The following TBCE variants were observed in gnomAD, a reference collection of about 807,000 sequenced individuals.
TBCE encodes the protein tubulin folding cofactor E.
A neutral mutation model predicts 77.0 loss-of-function variants in TBCE; 53 were observed. The ratio of observed to expected loss-of-function variants is 0.69; its 90% CI spans 0.55 to 0.87. The LOEUF is 0.87. Ranked by LOEUF, TBCE falls within the 40% of genes least tolerant of loss-of-function variation. The probability of loss-of-function intolerance (pLI) is 0.00; values close to 1 mark genes in which losing one functional copy is unlikely to be tolerated. For missense variants in TBCE, 624 were observed against 622.4 expected, an observed-to-expected ratio of 1.00 and a Z score of -0.03; for synonymous variants, 235 against 241.3, an observed-to-expected ratio of 0.97 and a Z score of 0.24.
chr1:235,425,233 T>TAA (rs1272583943), intron 5 of TBCE, among the ~76,000 whole-genome samples: 1 of 152,184 alleles, frequency 6.6e-6, no homozygotes, highest in Non-Finnish European at 1.5e-5. Flanking sequence ...TCCCTCTTAA[T>TAA]AAATGACAGT....
At chr1:235,384,482 C>T (rs1317926633) in intron 2 of TBCE, among the ~76,000 whole-genome samples, 1 of 145,718 alleles carries the variant, frequency 6.9e-6, no homozygotes, top group Non-Finnish European at 1.5e-5. Context: ...TGATTATTGC[C>T]ACAATTTCAG....
intron 3 of TBCE, among the ~76,000 whole-genome samples, chr1:235,406,829 CTTTTTTTTTTTT>C (rs141351182): frequency 2.6e-5 from 2 of 76,168 alleles, no homozygotes; most frequent in Admixed American, 3.4e-4. Flanking sequence ...TGCTCCTGGG[CTTTTTTTTTTTT>C]TTTTTTTTTT....
At chr1:235,431,642 T>G (rs1280512110) in intron 7 of TBCE, among the ~76,000 whole-genome samples, 1 of 151,934 alleles carries the variant, frequency 6.6e-6, no homozygotes, top group Non-Finnish European at 1.5e-5. Flanking sequence ...ATTAGAGGTG[T>G]AAGCCACCGT....
intron 5 of TBCE, among the ~76,000 whole-genome samples, chr1:235,422,936 C>T (rs1259450705): frequency 6.6e-6 from 1 of 152,212 alleles, no homozygotes; most frequent in East Asian, 1.9e-4. Context: ...TTTGTTTATA[C>T]TGCACTTTTC....
At position 235,374,927 on chromosome 1, in the gene TBCE, T is replaced by C. The variant is rs1206412008; in HGVS notation, c.-31-5092T>C. Among the ~76,000 whole-genome samples, 5 of 131,902 alleles carry C rather than the reference T, an allele frequency of 3.8e-5. No individual in the cohort carries two copies. In the South Asian group the frequency reaches 9.6e-4, roughly 25 times the overall value. 86.5% of individuals were successfully genotyped at this position (131,902 alleles called of 152,430 possible). On this transcript the variant is annotated intron_variant, in intron 1 of 16. Coordinates refer to ENST00000642610, the MANE Select transcript of TBCE (RefSeq NM_003193.5). Reference sequence around the variant, plus strand: ...GTAGATTTCTTTTTTTTTCTTTTTTTTTTTTTTTTTTGAGATGGAGTCTCA... The same window carrying C: ...GTAGATTTCTTTTTTTTTCTTTTTTCTTTTTTTTTTTGAGATGGAGTCTCA...
chr1:235,390,795 G>A (rs913248813), intron 2 of TBCE, among the ~76,000 whole-genome samples: 1 of 150,970 alleles, frequency 6.6e-6, no homozygotes, highest in Non-Finnish European at 1.5e-5. Context: ...GCTAGAGGCA[G>A]AAGAGGCAGT....
rs374602657 is a variant in TBCE, at chr1:235,439,569, C to T, written c.1270+647C>T. On this transcript the variant is annotated intron_variant, in intron 13 of 16. Coordinates refer to ENST00000642610, the MANE Select transcript of TBCE (RefSeq NM_003193.5). ...CTGGAGTGATCTCAGCTCACTGTAA[C>T]CCCTGCCTCCCGGGTTCAATTTATT... is the stretch of plus-strand genomic sequence containing the variant. 1.2e-4 allele frequency among the ~76,000 whole-genome samples: 18 copies of T among 150,836 alleles called. 1 individual carries two copies. In the South Asian group the frequency reaches 2.9e-3, roughly 25 times the overall value.
At chr1:235,387,909 A>G (rs1278746378) in intron 2 of TBCE, among the ~76,000 whole-genome samples, 1 of 152,220 alleles carries the variant, frequency 6.6e-6, no homozygotes, top group Non-Finnish European at 1.5e-5. Context: ...CCATAGACAG[A>G]GCAGCCCCTC....
intron 3 of TBCE, among the ~76,000 whole-genome samples, chr1:235,412,538 C>T (rs1447575729): frequency 6.6e-6 from 1 of 151,460 alleles, no homozygotes; most frequent in Non-Finnish European, 1.5e-5. Context: ...TCTCAAACTC[C>T]TGACTTTAGG....
chr1:235,430,180 T>C (rs1681005911), intron 6 of TBCE: 1 of 155,468 alleles, frequency 6.4e-6, no homozygotes. Flanking sequence ...TGTTTTTTAA[T>C]AGTATCGTCT....
chr1:235,377,369 C>T (rs1021230503), intron 1 of TBCE, among the ~76,000 whole-genome samples: 1 of 152,098 alleles, frequency 6.6e-6, no homozygotes, highest in African/African-American at 2.4e-5. Flanking sequence ...TTAGTAGAGA[C>T]AGGGTTTTAC....
intron 2 of TBCE, among the ~76,000 whole-genome samples, chr1:235,390,820 A>AGAATGTTT (rs1678342760): frequency 6.6e-6 from 1 of 151,460 alleles, no homozygotes; most frequent in African/African-American, 2.4e-5. Flanking sequence ...GTGTGACGTG[A>AGAATGTTT]GAATGTTTCA....
intron 4 of TBCE, 198 bp from the exon 5 acceptor site, chr1:235,419,275 C>A: frequency 1.3e-6 from 1 of 750,338 alleles, no homozygotes; most frequent in Non-Finnish European, 2.2e-6. Context: ...CCCCAGAGGA[C>A]TTCAGTTGCA....
chr1:235,429,533 A>C (rs1167338204), intron 6 of TBCE: 1 of 152,140 alleles, frequency 6.6e-6, no homozygotes, highest in African/African-American at 2.4e-5. Flanking sequence ...TGTTTATTTG[A>C]AAACTTCTAG....
chr1:235,450,114 C>A lies in TBCE; in HGVS notation c.*1352C>A. ...TCTGGAACTCTCTTGAAAGACCATA[C>A]AGTCTACTGCTAAACCCTGGGACTC... is the stretch of plus-strand genomic sequence containing the variant. On this transcript the variant is annotated 3_prime_UTR_variant, in exon 17 of 17. Coordinates refer to ENST00000642610, the MANE Select transcript of TBCE (RefSeq NM_003193.5). The A allele has an allele frequency of 6.8e-7, 1 of 1,469,070 alleles. No homozygotes were observed. Among genetic ancestry groups the A allele is most frequent in the Non-Finnish European group, 9.4e-7 (1 of 1,060,698 alleles). 91.0% of individuals were successfully genotyped at this position (1,469,070 alleles called of 1,614,324 possible). A position where few individuals can be genotyped will look rare whatever the true frequency, so the allele number is the denominator to read the frequency against.
chr1:235,445,413 G>T (rs1682183575), intron 15 of TBCE, among the ~76,000 whole-genome samples: 1 of 152,160 alleles, frequency 6.6e-6, no homozygotes, highest in Non-Finnish European at 1.5e-5. Flanking sequence ...CAAATTGCTT[G>T]AGCCCAGGAG....
rs763350074 is a variant in TBCE at position 235,369,696 on chromosome 1, G to A, written c.-32+2192G>A. On this transcript the variant is annotated intron_variant, in intron 1 of 16. Transcript: ENST00000642610. ...CAAAAAATTACCCAGGTGTGGTGGT[G>A]TGTGTCTGCAATCCCAGCTATTAGG... 3.4e-4 allele frequency among the ~76,000 whole-genome samples: 51 copies of A among 151,908 alleles called. 1 individual carries two copies. Among genetic ancestry groups the A allele is most frequent in the Admixed American group, 3.3e-3 (50 of 15,214 alleles).
At chr1:235,378,218 G>T (rs1015647832) in intron 1 of TBCE, among the ~76,000 whole-genome samples, 13 of 152,038 alleles carry the variant, frequency 8.6e-5, no homozygotes, top group Admixed American at 5.9e-4. Flanking sequence ...TTTTATTTGT[G>T]TTTTTTTGTT....
intron 13 of TBCE, 172 bp downstream of exon 13, chr1:235,439,094 G>C: frequency 1.3e-6 from 1 of 775,246 alleles, no homozygotes; most frequent in East Asian, 2.7e-5. Flanking sequence ...AGGGCGGCAG[G>C]GCAAGAGCAG....
Sources: gnomAD v4.1 joint callset for allele counts (sites outside exome capture counted in the v4.1 genomes callset) on GRCh38, gnomAD v4.1.1 for gene constraint, MANE v1.5 for transcripts, NCBI Gene and HGNC (gene_info 2026-07-23, HGNC 2026-07-21) for gene names.